Variants in P3H2 observed in about 807,000 individuals in gnomAD.
The protein encoded by P3H2 is prolyl 3-hydroxylase 2.
P3H2 carries 80 observed loss-of-function variants against 87.0 expected under a neutral mutation model. The observed-to-expected ratio is 0.92, with a 90% CI of 0.77 to 1.11. The LOEUF (loss-of-function observed/expected upper bound fraction) is 1.11, where lower values mean the gene tolerates loss of function less well. Ranked by LOEUF, P3H2 falls within the 50% of genes least tolerant of loss-of-function variation. The pLI is 0.00. For missense variants in P3H2, 1,001 were observed against 923.9 expected (o/e 1.08, Z -1.08); for synonymous variants, 367 against 359.3 (o/e 1.02, Z -0.24).
intron 13 of P3H2, among the ~76,000 whole-genome samples, chr3:189,964,618 AC>A (rs1430179155): frequency 6.6e-6 from 1 of 152,282 alleles, no homozygotes; most frequent in Non-Finnish European, 1.5e-5. Context: ...TTTTCACAAT[AC>A]AAACATTTTT....
intron 1 of P3H2, among the ~76,000 whole-genome samples, chr3:189,997,495 A>C (rs1157679040): frequency 2.0e-5 from 3 of 152,152 alleles, no homozygotes; most frequent in Non-Finnish European, 2.9e-5. Context: ...CCATTTTGCC[A>C]CTCAATTATT....
At chr3:190,114,041 C>G (rs1373033720) in intron 1 of P3H2, among the ~76,000 whole-genome samples, 2 of 128,012 alleles carry the variant, frequency 1.6e-5, no homozygotes, top group African/African-American at 6.3e-5. Flanking sequence ...GATGTCGCCA[C>G]CACACTCCAG....
Position 189,987,631 on chromosome 3 carries a change from A to C in P3H2, c.994T>G (p.Tyr332Asp). 2 of 1,614,232 alleles carry C rather than the reference A, an allele frequency of 1.2e-6. No individual in the cohort carries two copies. Among genetic ancestry groups the C allele is most frequent in the South Asian group, 2.2e-5 (2 of 91,086 alleles). The change falls in exon 5 of 15, where the codon TAT (tyrosine) becomes GAT (aspartate). Residue 332 changes from tyrosine to aspartate, a missense_variant. Tyr to Asp is a radical substitution (Grantham distance 160). Coordinates refer to ENST00000319332, the MANE Select transcript of P3H2 (RefSeq NM_018192.4). ...TCATCATCTGGATGGCATAGAAGAT[A>C]GGCTTTGGCACACTCCAGGGCTTTC... ...YVKALECAKA[Y>D]LLCHPDDEDV...
chr3:190,108,081 ACAGG>A (rs1341987415), intron 1 of P3H2, among the ~76,000 whole-genome samples: 1 of 152,142 alleles, frequency 6.6e-6, no homozygotes, highest in African/African-American at 2.4e-5. Context: ...TGTTGGGATT[ACAGG>A]CATGAGGCAT....
intron 1 of P3H2, among the ~76,000 whole-genome samples, chr3:190,109,729 T>C (rs1337158695): frequency 3.9e-5 from 6 of 152,128 alleles, no homozygotes; most frequent in Non-Finnish European, 7.3e-5. Context: ...CTAAAAGATA[T>C]CTAGCTGCAG....
intron 1 of P3H2, among the ~76,000 whole-genome samples, chr3:190,028,096 C>G (rs1725139660): frequency 6.6e-6 from 1 of 152,108 alleles, no homozygotes; most frequent in South Asian, 2.1e-4. Flanking sequence ...TAAGTTCCCT[C>G]TATTTCCACA....
chr3:190,061,792 G>T (rs561142565), intron 1 of P3H2, among the ~76,000 whole-genome samples: 1 of 152,050 alleles, frequency 6.6e-6, no homozygotes, highest in Non-Finnish European at 1.5e-5. Flanking sequence ...GAAATGGAAA[G>T]AACAGATGCT....
At position 189,994,333 on chromosome 3, in the gene P3H2, CAAAA is replaced by C. The variant is rs775777388; in HGVS notation, c.634-54_634-51del. ...ACAAACAAACAAACAAACAAACAAA[CAAAA>C]AAACCCTTATTTTCAAAGAGAAGGG... On this transcript the variant is annotated intron_variant, in intron 2 of 14. Transcript: ENST00000319332. The C allele has an allele frequency of 4.1e-6, 6 of 1,465,586 alleles. No individual in the cohort carries two copies. In the South Asian group the frequency reaches 4.6e-5, roughly 11 times the overall value. 90.8% of individuals were successfully genotyped at this position (1,465,586 alleles called of 1,614,324 possible). A position where few individuals can be genotyped will look rare whatever the true frequency, so the allele number is the denominator to read the frequency against.
chr3:189,958,218 A>G (rs1463781278), intron 14 of P3H2, among the ~76,000 whole-genome samples: 1 of 152,186 alleles, frequency 6.6e-6, no homozygotes, highest in Non-Finnish European at 1.5e-5. Context: ...CTCTCCTGCA[A>G]AGAACGACTG....
At chr3:190,053,009 C>A (rs536153012) in intron 1 of P3H2, among the ~76,000 whole-genome samples, 1 of 152,208 alleles carries the variant, frequency 6.6e-6, no homozygotes, top group African/African-American at 2.4e-5. Flanking sequence ...TACAGCAAAT[C>A]TTTTTATCTA....
At chr3:189,969,635 G>T (rs573524396) in intron 13 of P3H2, 15 of 1,181,444 alleles carry the variant, frequency 1.3e-5, no homozygotes, top group Non-Finnish European at 1.9e-5. Flanking sequence ...CCAGATGGTC[G>T]CCTGGTAGTT....
Position 189,994,227 on chromosome 3 carries a change from G to C in P3H2, c.690C>G (p.Ile230Met). 4.3e-6 allele frequency: 7 copies of C among 1,613,770 alleles called. No homozygotes were observed. Among genetic ancestry groups the C allele is most frequent in the Non-Finnish European group, 5.9e-6 (7 of 1,179,908 alleles). Residue 230 changes from isoleucine to methionine, a missense_variant, in exon 3 of 15, where the codon ATC becomes ATG. Transcript: ENST00000319332. Reference sequence around the variant, plus strand: ...CTCTTAAGGCTTGTTCGAAGTGCCTGATAGCCATCTCAAAGTCATCAGCCT... The same window carrying C: ...CTCTTAAGGCTTGTTCGAAGTGCCTCATAGCCATCTCAAAGTCATCAGCCT... ...HYEADDFEMA[I>M]RHFEQALREY...
chr3:189,987,438 C>T, intron 5 of P3H2, 89 bp downstream of exon 5: 2 of 1,448,244 alleles, frequency 1.4e-6, no homozygotes, highest in Non-Finnish European at 1.9e-6. Context: ...AAGATTGTGC[C>T]ATTGCACTCC....
At chr3:190,038,177 C>T (rs895395295) in intron 1 of P3H2, among the ~76,000 whole-genome samples, 11 of 149,546 alleles carry the variant, frequency 7.4e-5, no homozygotes, top group Admixed American at 2.7e-4. Flanking sequence ...CAAGACCTGT[C>T]GCGAGCCGAG....
In P3H2 at chr3:190,021,332, T is replaced by C. The variant is rs1713011452; in HGVS notation, c.481-25890A>G. ...GCTCATTAAAACAATAATTTGCCTT[T>C]GTCTCTATTTTTTGTCATTTCCTTA... is the stretch of plus-strand genomic sequence containing the variant. On this transcript the variant is annotated intron_variant, in intron 1 of 14. Transcript: ENST00000319332. Among the ~76,000 whole-genome samples the C allele has an allele frequency of 1.5e-5, 2 of 135,282 alleles. 1 individual carries two copies. Among genetic ancestry groups the C allele is most frequent in the Non-Finnish European group, 3.3e-5 (2 of 60,484 alleles). 88.8% of individuals were successfully genotyped at this position (135,282 alleles called of 152,430 possible).
chr3:189,970,857 C>T lies in P3H2; in HGVS notation c.1852G>A (p.Gly618Arg). The change falls in exon 13 of 15, where the codon GGA becomes AGA. Residue 618 changes from glycine (G) to arginine (R), a missense_variant. Transcript: ENST00000319332. ...TCCATCTCTGTGAATATGAATTCTC[C>T]TCCTTCAAAGTCATCATTCATATAT... ...LLYMNDDFEG[G>R]EFIFTEMDAK... 2 of 1,591,832 alleles carry T rather than the reference C, an allele frequency of 1.3e-6. No homozygotes were observed. The highest frequency in any genetic ancestry group is 1.7e-6 in the Non-Finnish European group (2 of 1,159,900).
At chr3:190,120,217 AG>A in intron 1 of P3H2, 34 bp downstream of exon 1, 5 of 1,600,836 alleles carry the variant, frequency 3.1e-6, no homozygotes, top group Non-Finnish European at 4.3e-6. Flanking sequence ...TGAGAGCCGC[AG>A]GGGCTTTGCA....
chr3:189,992,619 A>T (rs1263357540), intron 3 of P3H2, among the ~76,000 whole-genome samples: 1 of 152,222 alleles, frequency 6.6e-6, no homozygotes, highest in Non-Finnish European at 1.5e-5. Flanking sequence ...TTCTAGATTC[A>T]GAAAAGTCCA....
At chr3:189,986,932 T>C (rs537762126) in intron 5 of P3H2, 55 bp from the exon 6 acceptor site, 1 of 1,163,084 alleles carries the variant, frequency 8.6e-7, no homozygotes, top group East Asian at 2.3e-5. Context: ...AGGTAAGAGA[T>C]ATGATAAATG....
Sources: gnomAD v4.1 joint callset for allele counts (sites outside exome capture counted in the v4.1 genomes callset) on GRCh38, gnomAD v4.1.1 for gene constraint, MANE v1.5 for transcripts, NCBI Gene and HGNC (gene_info 2026-07-23, HGNC 2026-07-21) for gene names.